The following RAD18 variants were observed in gnomAD, a reference collection of about 807,000 sequenced individuals.
The protein encoded by RAD18 is E3 ubiquitin-protein ligase RAD18.
Under a neutral mutation model 60.4 loss-of-function variants are expected in RAD18, and 47 were observed. That is an observed-to-expected ratio of 0.78 (90% CI 0.62 to 0.99). The LOEUF (loss-of-function observed/expected upper bound fraction) is 0.99, where lower values mean the gene tolerates loss of function less well. Among genes scored for constraint, RAD18 ranks in the 50% least tolerant of loss-of-function variants. RAD18 has a pLI of 0.00. For missense variants in RAD18, 640 were observed against 593.3 expected (o/e 1.08, Z -0.82); for synonymous variants, 225 against 195.5 (o/e 1.15, Z -1.26).
chr3:8,902,270 C>T, intron 10 of RAD18, 110 bp downstream of exon 10: 2 of 1,030,268 alleles, frequency 1.9e-6, no homozygotes, highest in Non-Finnish European at 2.6e-6. Flanking sequence ...TACTTTTTCT[C>T]ATTTCAAAGA....
intron 7 of RAD18, among the ~76,000 whole-genome samples, chr3:8,918,597 C>T (rs890082818): frequency 3.9e-5 from 6 of 152,126 alleles, no homozygotes; most frequent in African/African-American, 7.2e-5. Flanking sequence ...CTGTGTGTCA[C>T]CCTGGGGTGT....
At chr3:8,885,538 T>C (rs1939544744) in intron 12 of RAD18, among the ~76,000 whole-genome samples, 1 of 152,196 alleles carries the variant, frequency 6.6e-6, no homozygotes, top group Non-Finnish European at 1.5e-5. Context: ...AAATCAAATT[T>C]ACAACTTTGG....
chr3:8,901,394 A>G (rs899718151), intron 10 of RAD18, among the ~76,000 whole-genome samples: 1 of 152,230 alleles, frequency 6.6e-6, no homozygotes, highest in African/African-American at 2.4e-5. Context: ...AGGTGGAAAT[A>G]ACCATAGCAG....
chr3:8,950,759 G>T (rs1452718752), intron 2 of RAD18, among the ~76,000 whole-genome samples: 1 of 152,166 alleles, frequency 6.6e-6, no homozygotes, highest in African/African-American at 2.4e-5. Flanking sequence ...ATATGCTAAG[G>T]GCTCTAATGG....
At chr3:8,947,564 A>C (rs1940858067) in intron 3 of RAD18, among the ~76,000 whole-genome samples, 2 of 152,254 alleles carry the variant, frequency 1.3e-5, no homozygotes, top group Admixed American at 1.3e-4. Flanking sequence ...ACCTAATATA[A>C]GCAAGAATCT....
At chr3:8,954,713 G>C (rs1056050789) in intron 2 of RAD18, among the ~76,000 whole-genome samples, 4 of 152,168 alleles carry the variant, frequency 2.6e-5, no homozygotes, top group African/African-American at 9.7e-5. Context: ...ATTTAAAAAT[G>C]ATAAATCATG....
chr3:8,953,162 A>G (rs1311318602), intron 2 of RAD18, among the ~76,000 whole-genome samples: 1 of 150,724 alleles, frequency 6.6e-6, no homozygotes, highest in East Asian at 1.9e-4. Flanking sequence ...GTATACTTAT[A>G]TAAATATGTA....
chr3:8,886,532 C>T (rs997907121), intron 12 of RAD18, among the ~76,000 whole-genome samples: 1 of 152,216 alleles, frequency 6.6e-6, no homozygotes, highest in Non-Finnish European at 1.5e-5. Flanking sequence ...TAAACACTGA[C>T]TGACTGACTG....
intron 11 of RAD18, among the ~76,000 whole-genome samples, 193 bp downstream of exon 11, chr3:8,898,701 G>C (rs45611533): frequency 0.016 from 2,441 of 152,212 alleles, 63 homozygotes; most frequent in African/African-American, 0.056. Flanking sequence ...CTCACCCTGT[G>C]ATCCCTGCAC....
intron 5 of RAD18, 31 bp downstream of exon 5, chr3:8,941,436 C>A: frequency 6.7e-7 from 1 of 1,490,752 alleles, no homozygotes; most frequent in South Asian, 1.2e-5. Flanking sequence ...AAAAGATGTC[C>A]ATATTTCCAC....
chr3:8,947,885 C>T (rs895263419), intron 3 of RAD18, among the ~76,000 whole-genome samples: 11 of 152,202 alleles, frequency 7.2e-5, no homozygotes, highest in Non-Finnish European at 1.3e-4. Context: ...TTCAGTGACA[C>T]CCTGACACCA....
chr3:8,941,406 A>G lies in RAD18; in HGVS notation c.604+61T>C, dbSNP rs1171901762. The G allele has an allele frequency of 1.7e-5, 23 of 1,388,016 alleles. 1 individual carries two copies. In the Admixed American group the frequency reaches 5.4e-4, roughly 33 times the overall value. 86.0% of individuals were successfully genotyped at this position (1,388,016 alleles called of 1,614,324 possible). Reference sequence around the variant, plus strand: ...TCCCCCTCAAAGATGCTGCCTATTTATTCTTATGTCATGTGGATGAAAAGA... The same window carrying G: ...TCCCCCTCAAAGATGCTGCCTATTTGTTCTTATGTCATGTGGATGAAAAGA... On this transcript the variant is annotated intron_variant, in intron 5 of 12. Transcript: ENST00000264926.
intron 4 of RAD18, chr3:8,946,941 C>A: frequency 3.7e-6 from 1 of 273,030 alleles, no homozygotes; most frequent in Non-Finnish European, 6.8e-6. Flanking sequence ...AGGGCTTGGG[C>A]AGGAAAAGGA....
At chr3:8,903,825 T>C (rs1004719615) in intron 9 of RAD18, among the ~76,000 whole-genome samples, 1 of 152,214 alleles carries the variant, frequency 6.6e-6, no homozygotes, top group African/African-American at 2.4e-5. Flanking sequence ...ACTGTTTTCA[T>C]ACAAAAATCA....
chr3:8,946,009 T>C (rs1574824840), intron 4 of RAD18, among the ~76,000 whole-genome samples: 1 of 152,202 alleles, frequency 6.6e-6, no homozygotes, highest in Admixed American at 6.5e-5. Context: ...ATAAATTTAG[T>C]GTGTAGTCTA....
At chr3:8,915,631 C>T (rs1338678590) in intron 7 of RAD18, among the ~76,000 whole-genome samples, 29 of 149,974 alleles carry the variant, frequency 1.9e-4, no homozygotes, top group Admixed American at 1.7e-3. Context: ...TCACCCAGGA[C>T]GGAGTGCAGT....
At chr3:8,917,621 T>C (rs1422150853) in intron 7 of RAD18, among the ~76,000 whole-genome samples, 2 of 151,808 alleles carry the variant, frequency 1.3e-5, no homozygotes, top group African/African-American at 2.4e-5. Context: ...GAGAGAACAC[T>C]AAAATTTTTT....
In RAD18 at chr3:8,939,483, T is replaced by C. The variant is rs1940708408; in HGVS notation, c.704+71A>G. 4.7e-6 allele frequency: 6 copies of C among 1,272,878 alleles called. No individual in the cohort carries two copies. The South Asian group carries it at 7.7e-5, about 16-fold the overall frequency. 78.8% of individuals were successfully genotyped at this position (1,272,878 alleles called of 1,614,324 possible). A position where few individuals can be genotyped will look rare whatever the true frequency, so the allele number is the denominator to read the frequency against. On this transcript the variant is annotated intron_variant, in intron 6 of 12. Coordinates refer to ENST00000264926, the MANE Select transcript of RAD18 (RefSeq NM_020165.4). ...GGTCACCAGGATAAAAGGAATACTGTAATTTTCCCCCAAGTAAGCACAAGA... is the reference window on the plus strand; with the variant it reads ...GGTCACCAGGATAAAAGGAATACTGCAATTTTCCCCCAAGTAAGCACAAGA...
At chr3:8,900,053 A>C (rs1939875338) in intron 10 of RAD18, among the ~76,000 whole-genome samples, 1 of 152,226 alleles carries the variant, frequency 6.6e-6, no homozygotes, top group Non-Finnish European at 1.5e-5. Flanking sequence ...AAACCTTGCC[A>C]AGTTCATACA....
Sources: gnomAD v4.1 joint callset for allele counts (sites outside exome capture counted in the v4.1 genomes callset) on GRCh38, gnomAD v4.1.1 for gene constraint, MANE v1.5 for transcripts, NCBI Gene and HGNC (gene_info 2026-07-23, HGNC 2026-07-21) for gene names.